NSD1: variants seen among roughly 807,000 people sequenced by gnomAD.
The protein encoded by NSD1 is nuclear receptor binding SET domain protein 1.
Under a neutral mutation model 242.7 loss-of-function variants are expected in NSD1, and 26 were observed. The ratio of observed to expected loss-of-function variants is 0.11; its 90% confidence interval spans 0.08 to 0.15. NSD1 has a LOEUF of 0.15. NSD1 is among the 10% of genes least tolerant of loss of function. NSD1 has a pLI of 1.00. For synonymous variants in NSD1, 1,106 were observed against 1,178.1 expected (o/e 0.94, Z 1.25); for missense variants, 2,495 against 3,272.8 (o/e 0.76, Z 5.80).
At position 177,297,567 on chromosome 5, in the gene NSD1, A is replaced by C. The variant is rs1198244026; in HGVS notation, c.*2108A>C. ...AGTCATCTGTAGTTGTGATCAGAAA[A>C]AGGTATCTGCACTGCACTGTCAGAG... On this transcript the variant is annotated 3_prime_UTR_variant, in exon 23 of 23. Coordinates refer to ENST00000439151, the MANE Select transcript of NSD1 (RefSeq NM_022455.5). 9.0e-6 allele frequency: 2 copies of C among 221,338 alleles called. No homozygotes were observed. Among genetic ancestry groups the C allele is most frequent in the Non-Finnish European group, 1.8e-5 (2 of 112,820 alleles). 13.7% of individuals were successfully genotyped at this position (221,338 alleles called of 1,614,324 possible).
rs1301789051 is a variant in NSD1 at position 177,210,794 on chromosome 5, G to C, written c.2395G>C (p.Val799Leu). 4.3e-6 allele frequency: 7 copies of C among 1,614,174 alleles called. No homozygotes were observed. The highest frequency in any genetic ancestry group is 5.9e-6 in the Non-Finnish European group (7 of 1,180,032). The change falls in exon 5 of 23, where the codon GTT becomes CTT. Residue 799 changes from valine (V) to leucine (L), a missense_variant. Physicochemically the swap from Val to Leu is conservative, Grantham distance 32. Transcript: ENST00000439151. The stretch of plus-strand genomic sequence containing the variant: ...AAAGTGCAAACACAAAGAAAATCCA[G>C]TTATGGCAGAACCCCCAGTTATAAA... The part of the protein sequence containing the change: ...SIKCKHKENP[V>L]MAEPPVINEE...
intron 14 of NSD1, among the ~76,000 whole-genome samples, chr5:177,267,119 A>G (rs945151320): frequency 5.9e-5 from 9 of 152,196 alleles, no homozygotes; most frequent in African/African-American, 2.2e-4. Flanking sequence ...CAGCCTTCCA[A>G]AGTGCTGGGA....
chr5:177,256,194 A>G (rs755003176), intron 12 of NSD1, among the ~76,000 whole-genome samples: 2 of 148,968 alleles, frequency 1.3e-5, no homozygotes, highest in African/African-American at 2.5e-5. Flanking sequence ...CCAGCATTGT[A>G]TGTCGGGTGA....
Position 177,282,544 on chromosome 5 carries a change from A to G in NSD1, c.5972A>G (p.His1991Arg), listed in dbSNP as rs1409827929. The G allele has an allele frequency of 6.2e-7, 1 of 1,613,212 alleles. No individual in the cohort carries two copies. The highest frequency in any genetic ancestry group is 2.2e-5 in the East Asian group (1 of 44,868). Residue 1991 changes from histidine to arginine, a missense_variant, in exon 19 of 23, where the codon CAT becomes CGT. Physicochemically the swap from His to Arg is conservative, Grantham distance 29. Transcript: ENST00000439151. ...CRARIRYAQE[H>R]DITNFYMLTL... ...GCTCGAATTCGCTATGCTCAAGAACATGATATCACTAATTTCTATATGCTC... is the reference window on the plus strand; with the variant it reads ...GCTCGAATTCGCTATGCTCAAGAACGTGATATCACTAATTTCTATATGCTC...
Position 177,260,047 on chromosome 5 carries a change from G to C in NSD1, c.5025G>C (p.Leu1675=), listed in dbSNP as rs1324805632. 3 of 1,614,124 alleles carry C rather than the reference G, an allele frequency of 1.9e-6. No individual in the cohort carries two copies. The highest frequency in any genetic ancestry group is 2.5e-6 in the Non-Finnish European group (3 of 1,180,036). ...CATACCACGCCAATGACTTTTGCCT[G>C]GCTGCTGGGTCAAAGATCCTTGCAT... ...PVAYHANDFC[L]AAGSKILASN... is the part of the protein sequence containing the mutation. The change falls in exon 14 of 23, where the codon CTG becomes CTC. Residue 1675 remains leucine, a synonymous_variant. Transcript: ENST00000439151.
chr5:177,168,984 C>T (rs1759466085), intron 2 of NSD1, among the ~76,000 whole-genome samples: 2 of 152,176 alleles, frequency 1.3e-5, no homozygotes, highest in South Asian at 4.1e-4. Flanking sequence ...GTTTGTGCAA[C>T]GTGTAGTTGG....
At chr5:177,230,123 TTTTA>T (rs1764944218) in intron 5 of NSD1, among the ~76,000 whole-genome samples, 1 of 152,040 alleles carries the variant, frequency 6.6e-6, no homozygotes, top group Non-Finnish European at 1.5e-5. Context: ...TGTGTTTTAT[TTTTA>T]TTTTTTATTT....
chr5:177,135,776 C>T lies in NSD1; in HGVS notation c.673C>T (p.Pro225Ser), dbSNP rs373114886. 1 of 1,612,816 alleles carries T rather than the reference C, an allele frequency of 6.2e-7. No homozygotes were observed. Among genetic ancestry groups the T allele is most frequent in the Non-Finnish European group, 8.5e-7 (1 of 1,178,870 alleles). Residue 225 changes from proline to serine, a missense_variant, in exon 2 of 23, where the codon CCA becomes TCA. Transcript: ENST00000439151. ...PESRHGAVKS[P>S]FLPLAPQTET... ...GAGTAGACACGGTGCAGTCAAATCG[C>T]CATTCTTGCCATTAGCTCCTCAGAC...
At position 177,257,058 on chromosome 5, in the gene NSD1, C is replaced by T. The variant is rs1251053638; in HGVS notation, c.4873C>T (p.Pro1625Ser). 1 of 1,614,002 alleles carries T rather than the reference C, an allele frequency of 6.2e-7. No individual in the cohort carries two copies. Among genetic ancestry groups the T allele is most frequent in the Non-Finnish European group, 8.5e-7 (1 of 1,179,944 alleles). ...TGAAGAGTGTGTCCAGAAGTACCCA[C>T]CCACTGTTATGCAGAACAAGGGCTT... is the stretch of plus-strand genomic sequence containing the variant. Reference protein sequence around the residue: ...YHEECVQKYPPTVMQNKGFRC... With the variant: ...YHEECVQKYPSTVMQNKGFRC... The change falls in exon 13 of 23, where the codon CCC becomes TCC. Residue 1625 changes from proline (P) to serine (S), a missense_variant. Pro to Ser is a moderately conservative substitution (Grantham distance 74). Transcript: ENST00000439151.
chr5:177,203,423 G>A (rs1275191172), intron 3 of NSD1, among the ~76,000 whole-genome samples: 1 of 152,092 alleles, frequency 6.6e-6, no homozygotes, highest in Non-Finnish European at 1.5e-5. Flanking sequence ...TTACTGGTAG[G>A]CTTTCCTTTT....
intron 2 of NSD1, among the ~76,000 whole-genome samples, chr5:177,150,887 A>G (rs1475054987): frequency 6.6e-6 from 1 of 152,220 alleles, no homozygotes; most frequent in Non-Finnish European, 1.5e-5. Context: ...ACAGACATTA[A>G]TGCTACACTA....
In NSD1 at chr5:177,135,700, A is replaced by G. The variant is rs535095639; in HGVS notation, c.597A>G (p.Ser199=). The change falls in exon 2 of 23, where the codon TCA becomes TCG. Residue 199 remains serine (S), a synonymous_variant. Coordinates refer to ENST00000439151, the MANE Select transcript of NSD1 (RefSeq NM_022455.5). ...TNATCNYETK[S]ENGVKVAMGS... ...CCACCTGCAATTATGAGACTAAATC[A>G]GAGAATGGTGTAAAAGTGGCCATGG... is the stretch of plus-strand genomic sequence containing the variant. 1 of 1,614,240 alleles carries G rather than the reference A, an allele frequency of 6.2e-7. No homozygotes were observed. The highest frequency in any genetic ancestry group is 8.5e-7 in the Non-Finnish European group (1 of 1,180,042).
chr5:177,177,772 T>C (rs952980637), intron 2 of NSD1, among the ~76,000 whole-genome samples: 1 of 152,240 alleles, frequency 6.6e-6, no homozygotes, highest in Non-Finnish European at 1.5e-5. Context: ...CTCTGATTAC[T>C]CTCTCAACTC....
chr5:177,267,836 T>G, intron 15 of NSD1, 118 bp downstream of exon 15: 2 of 998,806 alleles, frequency 2.0e-6, no homozygotes, highest in Non-Finnish European at 3.1e-6. Flanking sequence ...ACTCCTCCCC[T>G]CTTCTTCTTG....
intron 14 of NSD1, chr5:177,265,636 G>A: frequency 6.3e-7 from 1 of 1,587,554 alleles, no homozygotes. Flanking sequence ...CTAGGTTGAT[G>A]GTGAAGTCCC....
intron 4 of NSD1, among the ~76,000 whole-genome samples, chr5:177,204,722 T>G (rs1762752214): frequency 6.6e-6 from 1 of 152,188 alleles, no homozygotes; most frequent in Non-Finnish European, 1.5e-5. Flanking sequence ...TGTAAGTTAT[T>G]TCCTTTGGTA....
chr5:177,173,291 CAAAAAAAA>C (rs60043429), intron 2 of NSD1, among the ~76,000 whole-genome samples: 3 of 97,046 alleles, frequency 3.1e-5, no homozygotes, highest in South Asian at 6.9e-4. Flanking sequence ...GACTCTGTCT[CAAAAAAAA>C]AAAAAAAAAA....
upstream of NSD1, among the ~76,000 whole-genome samples, chr5:177,132,623 G>A (rs921358713): frequency 5.3e-5 from 8 of 152,044 alleles, no homozygotes; most frequent in Non-Finnish European, 1.0e-4. This position sits in a 1 kb window ranked among gnomAD's most constrained non-coding sequence, Gnocchi z 7.5. Context: ...TGCAGGCCGA[G>A]GTGCGGACGC....
At chr5:177,283,714 A>G (rs1759078032) in intron 19 of NSD1, 73 bp from the exon 20 acceptor site, 1 of 1,522,856 alleles carries the variant, frequency 6.6e-7, no homozygotes, top group Non-Finnish European at 9.1e-7. Context: ...AACTTATTAG[A>G]GAGAATAGTC....
Sources: gnomAD v4.1 joint callset for allele counts (sites outside exome capture counted in the v4.1 genomes callset) on GRCh38, gnomAD v4.1.1 for gene constraint, Gnocchi (gnomAD v3.1) non-coding constraint, MANE v1.5 for transcripts, NCBI Gene and HGNC (gene_info 2026-07-23, HGNC 2026-07-21) for gene names.